Variants in CENPK observed in about 807,000 individuals in gnomAD.
CENPK encodes centromere protein K.
Under a neutral mutation model 40.9 loss-of-function variants are expected in CENPK, and 46 were observed. The observed-to-expected ratio is 1.13, with a 90% CI of 0.89 to 1.44. The LOEUF (loss-of-function observed/expected upper bound fraction) is 1.44, where lower values mean the gene tolerates loss of function less well. Among genes scored for constraint, CENPK ranks in the 40% most tolerant of loss-of-function variants. CENPK has a pLI of 0.00. For synonymous variants in CENPK, 107 were observed against 104.4 expected (o/e 1.02, Z -0.15); for missense variants, 288 against 303.5 (o/e 0.95, Z 0.38).
the CENPK span, among the ~76,000 whole-genome samples, chr5:65,496,801 C>T: frequency 2.0e-5 from 3 of 151,958 alleles, no homozygotes; most frequent in African/African-American, 2.4e-5. Context: ...CGTCTGTAAT[C>T]CCAGCACTTT....
intron 3 of CENPK, among the ~76,000 whole-genome samples, 193 bp from the exon 4 acceptor site, chr5:65,552,742 C>A (rs1561689138): frequency 6.9e-6 from 1 of 145,724 alleles, no homozygotes; most frequent in Non-Finnish European, 1.5e-5. Flanking sequence ...GAATACATCA[C>A]AAGTAAAAAG....
chr5:65,513,136 A>G (rs1483691436), downstream of CENPK, among the ~76,000 whole-genome samples: 1 of 152,148 alleles, frequency 6.6e-6, no homozygotes, highest in African/African-American at 2.4e-5. Flanking sequence ...TTTCATTTTA[A>G]CAGTGTCCTT....
At chr5:65,514,591 C>T (rs1484166993), downstream of CENPK, among the ~76,000 whole-genome samples, 1 of 152,132 alleles carries the variant, frequency 6.6e-6, no homozygotes, top group African/African-American at 2.4e-5. Context: ...AGCATTTCCT[C>T]TGCTTCTATT....
chr5:65,558,155 C>T (rs780115428), intron 2 of CENPK, among the ~76,000 whole-genome samples: 1 of 151,976 alleles, frequency 6.6e-6, no homozygotes, highest in African/African-American at 2.4e-5. Flanking sequence ...AAAGAAAACA[C>T]ACACACACAC....
At chr5:65,505,363 T>G in the CENPK span, among the ~76,000 whole-genome samples, 1 of 152,228 alleles carries the variant, frequency 6.6e-6, no homozygotes, top group African/African-American at 2.4e-5. Context: ...CTGAGCATAG[T>G]GGCTTATGCC....
intron 6 of CENPK, among the ~76,000 whole-genome samples, chr5:65,536,089 T>C (rs1236088639): frequency 1.3e-5 from 2 of 152,136 alleles, no homozygotes; most frequent in Non-Finnish European, 2.9e-5. Context: ...ACAAGCTAAA[T>C]ATACAATCCC....
chr5:65,533,350 A>AAATAAATAAATAAATAAATAAAT (rs1746239860), intron 6 of CENPK, among the ~76,000 whole-genome samples: 1 of 148,116 alleles, frequency 6.8e-6, no homozygotes. Flanking sequence ...ACCCTGTATC[A>AAATAAATAAATAAATAAATAAAT]AAATAAATAA....
the CENPK span, among the ~76,000 whole-genome samples, chr5:65,507,235 G>A: frequency 6.4e-4 from 97 of 152,036 alleles, no homozygotes; most frequent in East Asian, 0.017. Context: ...CTTCCTACTG[G>A]CATTTTTTTA....
chr5:65,533,350 A>AAAATAAATAAATAAAT (rs61642453), intron 6 of CENPK, among the ~76,000 whole-genome samples: 1,894 of 148,182 alleles, frequency 0.013, 39 homozygotes, highest in African/African-American at 0.037. Context: ...ACCCTGTATC[A>AAAATAAATAAATAAAT]AAATAAATAA....
At chr5:65,543,074 G>A (rs752837998) in intron 5 of CENPK, among the ~76,000 whole-genome samples, 13 of 151,820 alleles carry the variant, frequency 8.6e-5, no homozygotes, top group Admixed American at 3.9e-4. Context: ...AACAATTCTC[G>A]TGCTTCAGCC....
intron 2 of CENPK, chr5:65,561,085 G>T (rs1751870420): frequency 2.0e-5 from 3 of 151,984 alleles, no homozygotes; most frequent in Non-Finnish European, 4.4e-5. Context: ...ACAATTAAAT[G>T]AGTATATAAA....
At chr5:65,545,306 A>T (rs2150470539) in intron 5 of CENPK, among the ~76,000 whole-genome samples, 1 of 150,062 alleles carries the variant, frequency 6.7e-6, no homozygotes, top group East Asian at 2.0e-4. Context: ...GAAGACAAAG[A>T]AAAAGTCCTC....
At chr5:65,531,405 CT>C (rs35716247) in intron 6 of CENPK, among the ~76,000 whole-genome samples, 170 of 143,000 alleles carry the variant, frequency 1.2e-3, no homozygotes, top group Middle Eastern at 7.3e-3. Flanking sequence ...CAAAATTTGT[CT>C]TTTTTTTTTT....
At chr5:65,501,197 T>TTTTTTTTTTTTTTTTTTTTTA in the CENPK span, among the ~76,000 whole-genome samples, 1 of 94,142 alleles carries the variant, frequency 1.1e-5, no homozygotes. Context: ...TTTTTTTTTT[T>TTTTTTTTTTTTTTTTTTTTTA]GAGACAGAGT....
chr5:65,527,843 A>G (rs1403459207), intron 9 of CENPK, among the ~76,000 whole-genome samples: 2 of 152,154 alleles, frequency 1.3e-5, no homozygotes, highest in Non-Finnish European at 1.5e-5. Flanking sequence ...TTATTCATTC[A>G]ACAATAAGTT....
At chr5:65,500,526 T>C in the CENPK span, among the ~76,000 whole-genome samples, 5 of 152,048 alleles carry the variant, frequency 3.3e-5, no homozygotes, top group Non-Finnish European at 7.4e-5. Context: ...GTTTGTTTTT[T>C]TCTTGTAAAT....
chr5:65,519,705 C>T (rs996097253), intron 10 of CENPK, among the ~76,000 whole-genome samples: 3 of 152,072 alleles, frequency 2.0e-5, no homozygotes, highest in Non-Finnish European at 2.9e-5. Context: ...ATAATAATAC[C>T]TTAGTTCTTG....
intron 4 of CENPK, among the ~76,000 whole-genome samples, chr5:65,551,960 ATTTTTTTTTT>A (rs369700253): frequency 8.0e-6 from 1 of 125,310 alleles, no homozygotes; most frequent in Non-Finnish European, 1.7e-5. Flanking sequence ...CCTTTGTTCT[ATTTTTTTTTT>A]TTTTTTTTTG....
chr5:65,562,340 G>A (rs1024316417), intron 1 of CENPK, among the ~76,000 whole-genome samples: 2 of 152,122 alleles, frequency 1.3e-5, no homozygotes, highest in South Asian at 2.1e-4. Context: ...TGAGAGCAGA[G>A]GGCAGAGAAG....
Sources: allele counts gnomAD v4.1 joint callset (sites outside exome capture counted in the v4.1 genomes callset), GRCh38; gene constraint gnomAD v4.1.1; transcripts MANE v1.5; gene names NCBI Gene and HGNC (gene_info 2026-07-23, HGNC 2026-07-21).